The following SLC35F4 variants were observed in gnomAD, a reference collection of about 807,000 sequenced individuals.
SLC35F4 encodes the protein solute carrier family 35 member F4.
In SLC35F4, 24 loss-of-function variants were observed where a neutral mutation model predicts 44.2. The ratio of observed to expected loss-of-function variants is 0.54; its 90% CI spans 0.39 to 0.76. The LOEUF is 0.76. Among genes scored for constraint, SLC35F4 ranks in the 30% least tolerant of loss-of-function variants. The probability of loss-of-function intolerance (pLI) is 0.00; values close to 1 mark genes in which losing one functional copy is unlikely to be tolerated. For synonymous variants in SLC35F4, 238 were observed against 223.6 expected (o/e 1.06, Z -0.57); for missense variants, 562 against 586.1 (o/e 0.96, Z 0.42).
At position 57,669,879 on chromosome 14, in the gene SLC35F4, G is replaced by A. The variant is rs138801979; in HGVS notation, c.104-75755C>T. Among the ~76,000 whole-genome samples the A allele has an allele frequency of 8.5e-3, 1,298 of 152,048 alleles. 25 individuals carry two copies. Among genetic ancestry groups the A allele is most frequent in the East Asian group, 0.044 (226 of 5,164 alleles). ...TAGGGAGGATTCTCTCTTTTTCTAC[G>A]GATTGGAATAGTTTCAGAAGGAATG... is the stretch of plus-strand genomic sequence containing the variant. On this transcript the variant is annotated intron_variant, in intron 1 of 7. Coordinates refer to ENST00000556826, the MANE Select transcript of SLC35F4 (RefSeq NM_001306087.2).
At chr14:57,926,729 G>C (rs989940176) in intron 1 of SLC35F4, among the ~76,000 whole-genome samples, 37 of 70,856 alleles carry the variant, frequency 5.2e-4, no homozygotes, top group Admixed American at 1.7e-3. Flanking sequence ...TAGGGTTGGG[G>C]GGGGGGGGTG....
chr14:57,872,709 A>G (rs1009163502), intron 1 of SLC35F4, among the ~76,000 whole-genome samples: 23 of 152,178 alleles, frequency 1.5e-4, no homozygotes, highest in African/African-American at 5.5e-4. Context: ...TAAATTCTCC[A>G]TTCCATTCTG....
chr14:57,634,052 T>C (rs2140138544), intron 1 of SLC35F4, among the ~76,000 whole-genome samples: 1 of 152,204 alleles, frequency 6.6e-6, no homozygotes, highest in East Asian at 1.9e-4. Flanking sequence ...TGCTCAGCTG[T>C]GTTAAAGCTG....
intron 1 of SLC35F4, among the ~76,000 whole-genome samples, chr14:57,965,824 G>A (rs1890428654): frequency 6.6e-6 from 1 of 152,164 alleles, no homozygotes; most frequent in South Asian, 2.1e-4. Context: ...TTTCAAGTAT[G>A]CCCAAAGATG....
intron 1 of SLC35F4, among the ~76,000 whole-genome samples, chr14:57,649,213 G>C (rs1251042581): frequency 2.0e-5 from 3 of 152,010 alleles, no homozygotes; most frequent in African/African-American, 7.3e-5. Context: ...TTTTCTATTA[G>C]TTTCCTCTTG....
intron 1 of SLC35F4, among the ~76,000 whole-genome samples, chr14:57,912,472 C>T (rs1287836829): frequency 6.6e-6 from 1 of 151,758 alleles, no homozygotes; most frequent in Non-Finnish European, 1.5e-5. Context: ...GTACATTGTG[C>T]TTTTATTTAG....
At chr14:57,970,246 A>G (rs1004280289) in intron 1 of SLC35F4, among the ~76,000 whole-genome samples, 1 of 152,244 alleles carries the variant, frequency 6.6e-6, no homozygotes, top group Admixed American at 6.5e-5. Flanking sequence ...ATGGGAGCAA[A>G]TGTATTTGCC....
intron 1 of SLC35F4, among the ~76,000 whole-genome samples, chr14:57,858,082 G>A (rs1294290831): frequency 1.3e-5 from 2 of 152,088 alleles, no homozygotes; most frequent in South Asian, 2.1e-4. Context: ...ACTGTTGGTG[G>A]GACTGTAAAC....
chr14:57,566,080 T>C (rs1743131198), intron 7 of SLC35F4, among the ~76,000 whole-genome samples: 1 of 152,136 alleles, frequency 6.6e-6, no homozygotes, highest in South Asian at 2.1e-4. Flanking sequence ...TCCCCATGGA[T>C]TGTCTGAGGA....
chr14:57,956,350 T>TTC (rs1890237418), intron 1 of SLC35F4, among the ~76,000 whole-genome samples: 2 of 152,146 alleles, frequency 1.3e-5, no homozygotes, highest in Non-Finnish European at 1.5e-5. Context: ...GAAGAAAACC[T>TTC]AGGCAATACC....
intron 1 of SLC35F4, among the ~76,000 whole-genome samples, chr14:57,958,694 A>ATT (rs1290020882): frequency 2.0e-5 from 3 of 152,220 alleles, no homozygotes; most frequent in Non-Finnish European, 4.4e-5. Flanking sequence ...TCCACTACAA[A>ATT]CCTTTTTAGG....
chr14:57,925,127 C>T (rs1889530955), intron 1 of SLC35F4, among the ~76,000 whole-genome samples: 1 of 152,014 alleles, frequency 6.6e-6, no homozygotes, highest in African/African-American at 2.4e-5. Flanking sequence ...CCCTCCCACC[C>T]CAGAGAAGCC....
chr14:57,648,874 G>A (rs1051053226), intron 1 of SLC35F4, among the ~76,000 whole-genome samples: 6 of 152,034 alleles, frequency 3.9e-5, no homozygotes, highest in East Asian at 1.9e-4. Flanking sequence ...ATTGCTTATC[G>A]AAACTCAAAC....
At chr14:57,599,788 CAAGACTCTGTCTTGAAAAAAAAAAA>C in intron 1 of SLC35F4, among the ~76,000 whole-genome samples, 1 of 126,092 alleles carries the variant, frequency 7.9e-6, no homozygotes, top group Admixed American at 9.3e-5. Context: ...GGCGACAGAG[CAAGACTCTGTCTTGAAAAAAAAAAA>C]AAAAAACAAC....
intron 1 of SLC35F4, among the ~76,000 whole-genome samples, chr14:57,651,348 T>A (rs2073775812): frequency 6.6e-6 from 1 of 152,164 alleles, no homozygotes; most frequent in South Asian, 2.1e-4. Context: ...CTACCAAGAA[T>A]TCTGAGAAGT....
intron 1 of SLC35F4, among the ~76,000 whole-genome samples, chr14:57,760,893 G>T (rs2077108599): frequency 6.6e-6 from 1 of 152,052 alleles, no homozygotes; most frequent in African/African-American, 2.4e-5. Flanking sequence ...AATACTTTTT[G>T]AATACTCAAG....
At chr14:57,729,070 T>C (rs1241721024) in intron 1 of SLC35F4, among the ~76,000 whole-genome samples, 1 of 152,160 alleles carries the variant, frequency 6.6e-6, no homozygotes, top group African/African-American at 2.4e-5. Context: ...TCTCTTGCTG[T>C]TTTTAGGATC....
At chr14:57,932,810 CT>C (rs553240312) in intron 1 of SLC35F4, among the ~76,000 whole-genome samples, 213 of 152,094 alleles carry the variant, frequency 1.4e-3, no homozygotes, top group African/African-American at 4.9e-3. Context: ...GGTCATACCA[CT>C]GCACTCAAAA....
rs577393365 is a variant in SLC35F4, at chr14:57,768,911, C to A, written c.103+96812G>T. Reference sequence around the variant, plus strand: ...GAGACTCCAGGTGTGTGCCACCACGCCAGGCTAATTTTTGTATTTTTAGTA... The same window carrying A: ...GAGACTCCAGGTGTGTGCCACCACGACAGGCTAATTTTTGTATTTTTAGTA... On this transcript the variant is annotated intron_variant, in intron 1 of 7. Coordinates refer to ENST00000556826, the MANE Select transcript of SLC35F4 (RefSeq NM_001306087.2). Among the ~76,000 whole-genome samples the A allele has an allele frequency of 3.3e-5, 5 of 152,240 alleles. No homozygotes were observed. In the East Asian group the frequency reaches 9.7e-4, roughly 30 times the overall value.
Sources: gnomAD v4.1 joint callset for allele counts (sites outside exome capture counted in the v4.1 genomes callset) on GRCh38, gnomAD v4.1.1 for gene constraint, MANE v1.5 for transcripts, NCBI Gene and HGNC (gene_info 2026-07-23, HGNC 2026-07-21) for gene names.